The following DCC variants were observed in gnomAD, a reference collection of about 807,000 sequenced individuals.
The protein encoded by DCC is netrin receptor DCC.
In DCC, 58 loss-of-function variants were observed where a neutral mutation model predicts 172.5. The ratio of observed to expected loss-of-function variants is 0.34; its 90% CI spans 0.27 to 0.42. DCC has a LOEUF of 0.42. Among genes scored for constraint, DCC ranks in the 10% least tolerant of loss-of-function variants. The pLI, the probability that DCC is intolerant of heterozygous loss-of-function variation, is 1.00. For missense variants in DCC, 1,740 were observed against 1,791.0 expected, an observed-to-expected ratio of 0.97 and a Z score of 0.51; for synonymous variants, 709 against 644.5, an observed-to-expected ratio of 1.10 and a Z score of -1.52.
rs1181450204 is a variant in DCC at position 53,428,954 on chromosome 18, ATAT to A, written c.3164-6186_3164-6184del. Among the ~76,000 whole-genome samples, 9 of 63,862 alleles carry A rather than the reference ATAT, an allele frequency of 1.4e-4. 1 individual carries two copies. Among genetic ancestry groups the A allele is most frequent in the African/African-American group, 2.5e-4 (5 of 19,970 alleles). 41.9% of individuals were successfully genotyped at this position (63,862 alleles called of 152,430 possible). ...TTATATATAATAAATTATATATAAC[ATAT>A]TATATTTTATATATAACATATATAT... On this transcript the variant is annotated intron_variant, in intron 21 of 28. Transcript: ENST00000442544.
intron 7 of DCC, among the ~76,000 whole-genome samples, chr18:53,143,634 C>T (rs1221909841): frequency 6.6e-6 from 1 of 152,134 alleles, no homozygotes; most frequent in African/African-American, 2.4e-5. Flanking sequence ...AGCAGGAAAC[C>T]AGAGACAAGA....
At chr18:53,032,833 C>A (rs997110161) in intron 5 of DCC, among the ~76,000 whole-genome samples, 1 of 151,998 alleles carries the variant, frequency 6.6e-6, no homozygotes, top group Non-Finnish European at 1.5e-5. Context: ...AAAAGAAAAA[C>A]CTGCAGTTCA....
At chr18:52,961,351 A>C (rs1325379285) in intron 5 of DCC, among the ~76,000 whole-genome samples, 1 of 152,176 alleles carries the variant, frequency 6.6e-6, no homozygotes. Context: ...CAATGATAGC[A>C]CTGATTCTGA....
chr18:53,527,132 T>C (rs948753544), intron 28 of DCC, among the ~76,000 whole-genome samples: 1 of 149,860 alleles, frequency 6.7e-6, no homozygotes, highest in Non-Finnish European at 1.5e-5. Context: ...TGTGTGTGTG[T>C]GTGTTTCTTT....
At chr18:53,276,256 C>T (rs1268579782) in intron 12 of DCC, among the ~76,000 whole-genome samples, 1 of 152,090 alleles carries the variant, frequency 6.6e-6, no homozygotes, top group Non-Finnish European at 1.5e-5. Context: ...AAACAGGCTG[C>T]TTAACAAAAT....
intron 25 of DCC, among the ~76,000 whole-genome samples, chr18:53,470,605 A>G (rs1239991658): frequency 2.6e-5 from 4 of 152,180 alleles, no homozygotes; most frequent in Admixed American, 2.6e-4. Flanking sequence ...GTAATTCAAA[A>G]AACAAAGGAG....
chr18:52,439,023 C>T (rs959867301), intron 1 of DCC, among the ~76,000 whole-genome samples: 10 of 152,222 alleles, frequency 6.6e-5, no homozygotes, highest in Admixed American at 6.5e-4. Context: ...TTTCTCTATA[C>T]TTACTGAGCT....
chr18:53,394,822 G>GAA (rs1206471636), intron 17 of DCC, among the ~76,000 whole-genome samples: 6 of 152,090 alleles, frequency 3.9e-5, no homozygotes, highest in Non-Finnish European at 8.8e-5. Flanking sequence ...TCAGTGCTAT[G>GAA]GTCGTCTCCA....
rs149504572 is a variant in DCC, at chr18:53,315,814, T to C, written c.2054-6233T>C. On this transcript the variant is annotated intron_variant, in intron 13 of 28. Transcript: ENST00000442544. ...CATTGCCCACTTTTTGATGGGATTG[T>C]TTGTTTTTTTCTTGTAAATTTGTTT... Among the ~76,000 whole-genome samples the C allele has an allele frequency of 8.4e-3, 1,282 of 152,262 alleles. 51 individuals carry two copies. The East Asian group carries it at 0.085, about 10-fold the overall frequency.
At chr18:53,463,306 A>T (rs948560508) in intron 24 of DCC, among the ~76,000 whole-genome samples, 1 of 152,166 alleles carries the variant, frequency 6.6e-6, no homozygotes, top group Non-Finnish European at 1.5e-5. Context: ...ATCCCAAATG[A>T]TGACTGTTTT....
intron 1 of DCC, among the ~76,000 whole-genome samples, chr18:52,688,271 A>G (rs1420693132): frequency 6.6e-6 from 1 of 152,124 alleles, no homozygotes; most frequent in Admixed American, 6.6e-5. Flanking sequence ...TCTGAGCTAA[A>G]TGACTTAGGC....
At chr18:53,062,933 C>A (rs1038266478) in intron 5 of DCC, among the ~76,000 whole-genome samples, 1 of 152,106 alleles carries the variant, frequency 6.6e-6, no homozygotes, top group Non-Finnish European at 1.5e-5. Context: ...TCAGTTCCAC[C>A]AGCTTCCCTT....
intron 17 of DCC, among the ~76,000 whole-genome samples, chr18:53,393,466 C>T (rs1308036092): frequency 6.6e-6 from 1 of 152,094 alleles, no homozygotes; most frequent in East Asian, 1.9e-4. Flanking sequence ...TAAGATTCAG[C>T]AGAACTATAA....
At chr18:52,594,927 C>T (rs779745634) in intron 1 of DCC, among the ~76,000 whole-genome samples, 5 of 152,162 alleles carry the variant, frequency 3.3e-5, no homozygotes, top group Non-Finnish European at 7.3e-5. Flanking sequence ...GAGATTTGGG[C>T]AGTGACAAAT....
At chr18:52,377,785 C>T (rs1018925743) in intron 1 of DCC, among the ~76,000 whole-genome samples, 1 of 151,036 alleles carries the variant, frequency 6.6e-6, no homozygotes, top group African/African-American at 2.4e-5. Context: ...TGGCTCACCA[C>T]AGATTCTGCC....
intron 5 of DCC, among the ~76,000 whole-genome samples, chr18:53,052,385 C>T (rs1339314549): frequency 1.3e-5 from 2 of 151,952 alleles, no homozygotes; most frequent in South Asian, 2.1e-4. Flanking sequence ...CTCTTCTCTT[C>T]CTCCCTCCCC....
intron 7 of DCC, among the ~76,000 whole-genome samples, chr18:53,101,668 C>T (rs942197414): frequency 2.0e-5 from 3 of 152,206 alleles, no homozygotes; most frequent in African/African-American, 7.2e-5. Flanking sequence ...GTCCTTTCTT[C>T]TACAGCCATT....
chr18:52,896,518 T>C (rs1047451423), intron 2 of DCC, among the ~76,000 whole-genome samples: 3 of 152,214 alleles, frequency 2.0e-5, no homozygotes, highest in African/African-American at 7.2e-5. Flanking sequence ...ATAAATGGCA[T>C]TGATGTTCAG....
At chr18:52,728,173 GTCTCTCTC>G (rs5824956) in intron 1 of DCC, among the ~76,000 whole-genome samples, 5 of 149,044 alleles carry the variant, frequency 3.4e-5, no homozygotes, top group Non-Finnish European at 6.0e-5. Context: ...TGTGGGCCCC[GTCTCTCTC>G]TCTCTCTCTC....
Sources: allele counts gnomAD v4.1 joint callset (sites outside exome capture counted in the v4.1 genomes callset), GRCh38; gene constraint gnomAD v4.1.1; transcripts MANE v1.5; gene names NCBI Gene and HGNC (gene_info 2026-07-23, HGNC 2026-07-21).